Variants in FBXO34 observed in about 807,000 individuals in gnomAD.
The protein encoded by FBXO34 is F-box only protein 34.
In FBXO34, 12 loss-of-function variants were observed where a neutral mutation model predicts 24.5. That is an observed-to-expected ratio of 0.49 (90% CI 0.31 to 0.79). The LOEUF is 0.79. Among genes scored for constraint, FBXO34 ranks in the 30% least tolerant of loss-of-function variants. The pLI is 0.04. For synonymous variants in FBXO34, 320 were observed against 311.9 expected (o/e 1.03, Z -0.27); for missense variants, 823 against 857.7 (o/e 0.96, Z 0.51).
At chr14:55,400,711 A>T in the FBXO34 span, among the ~76,000 whole-genome samples, 1 of 152,046 alleles carries the variant, frequency 6.6e-6, no homozygotes, top group Non-Finnish European at 1.5e-5. Context: ...GAGACCAGCC[A>T]GGCCAACATG....
intron 3 of FBXO34, among the ~76,000 whole-genome samples, chr14:55,361,551 A>G (rs143025192): frequency 2.0e-5 from 3 of 152,274 alleles, no homozygotes; most frequent in African/African-American, 7.2e-5. Flanking sequence ...GTCCTTCCCA[A>G]GCTTGGAAGC....
At chr14:55,281,608 C>T (rs1196268546) in intron 1 of FBXO34, among the ~76,000 whole-genome samples, 1 of 152,216 alleles carries the variant, frequency 6.6e-6, no homozygotes, top group Non-Finnish European at 1.5e-5. Flanking sequence ...GTTTCCTCAG[C>T]CTTGCTTTCT....
At chr14:55,332,190 C>G (rs1357078832) in intron 1 of FBXO34, among the ~76,000 whole-genome samples, 1 of 151,276 alleles carries the variant, frequency 6.6e-6, no homozygotes, top group South Asian at 2.1e-4. Flanking sequence ...CATCTTCTGG[C>G]TTTCATTTTC....
At chr14:55,344,762 C>T (rs1049787671) in intron 1 of FBXO34, among the ~76,000 whole-genome samples, 2 of 152,032 alleles carry the variant, frequency 1.3e-5, no homozygotes, top group Non-Finnish European at 2.9e-5. Context: ...TGATGTTCCC[C>T]TCCCTGTATC....
chr14:55,420,137 C>A, the FBXO34 span, among the ~76,000 whole-genome samples: 1 of 152,222 alleles, frequency 6.6e-6, no homozygotes, highest in African/African-American at 2.4e-5. Context: ...GTGGCACGAT[C>A]TCGGCTCACT....
intron 1 of FBXO34, among the ~76,000 whole-genome samples, chr14:55,316,758 C>T (rs548581636): frequency 4.0e-5 from 6 of 151,084 alleles, no homozygotes; most frequent in African/African-American, 1.2e-4. Context: ...AATTTCAAGA[C>T]GGCAACAGCA....
the FBXO34 span, among the ~76,000 whole-genome samples, chr14:55,395,446 G>A: frequency 1.1e-4 from 17 of 152,162 alleles, no homozygotes; most frequent in African/African-American, 2.2e-4. Context: ...TCTGCCTCCC[G>A]GGTTCAAGTG....
the FBXO34 span, among the ~76,000 whole-genome samples, chr14:55,427,456 G>T: frequency 6.6e-6 from 1 of 152,140 alleles, no homozygotes; most frequent in African/African-American, 2.4e-5. Flanking sequence ...ACAAATGTTA[G>T]GGAAAGCACA....
At chr14:55,355,134 CCT>C (rs1884501487), downstream of FBXO34, 1 of 152,310 alleles carries the variant, frequency 6.6e-6, no homozygotes, top group Non-Finnish European at 1.5e-5. Flanking sequence ...AGCTGCTGCT[CCT>C]ATTCCTGGAG....
At chr14:55,440,266 T>C in the FBXO34 span, 1 of 1,178,732 alleles carries the variant, frequency 8.5e-7, no homozygotes, top group Non-Finnish European at 1.2e-6. Context: ...AACCTTCAAC[T>C]TAATGACTTG....
At chr14:55,414,300 G>T in the FBXO34 span, 3 of 1,086,736 alleles carry the variant, frequency 2.8e-6, no homozygotes, top group Non-Finnish European at 4.1e-6. Flanking sequence ...ACAATTAAAC[G>T]TAGAAGAATC....
the FBXO34 span, among the ~76,000 whole-genome samples, chr14:55,436,267 C>T: frequency 1.1e-4 from 16 of 152,054 alleles, no homozygotes; most frequent in Admixed American, 7.2e-4. Context: ...TTTATCCAAC[C>T]CTACCCACAA....
the FBXO34 span, chr14:55,385,751 G>T: frequency 1.0e-6 from 1 of 986,320 alleles, no homozygotes; most frequent in Non-Finnish European, 1.5e-6. Context: ...CCATCACCAG[G>T]AAAACCAATG....
the FBXO34 span, among the ~76,000 whole-genome samples, chr14:55,404,188 C>T: frequency 3.3e-5 from 5 of 152,196 alleles, no homozygotes; most frequent in Admixed American, 1.3e-4. Context: ...GACATGACTA[C>T]AAATTCATCT....
At chr14:55,355,755 G>A (rs779558118), downstream of FBXO34, among the ~76,000 whole-genome samples, 6 of 152,192 alleles carry the variant, frequency 3.9e-5, no homozygotes, top group Non-Finnish European at 8.8e-5. Context: ...AGAGGGCATC[G>A]CCCACAGTGC....
At chr14:55,440,473 G>T in the FBXO34 span, 1 of 1,612,268 alleles carries the variant, frequency 6.2e-7, no homozygotes, top group Non-Finnish European at 8.5e-7. Context: ...ACTGTTGGGG[G>T]TGGGGGCGGG....
the FBXO34 span, among the ~76,000 whole-genome samples, chr14:55,402,926 AATATATATATATATATATATAT>A: frequency 6.5e-3 from 107 of 16,394 alleles, 2 homozygotes; most frequent in African/African-American, 8.2e-3. Context: ...AAAAAAAAAA[AATATATATATATATATATATAT>A]ATATATATAT....
intron 1 of FBXO34, among the ~76,000 whole-genome samples, chr14:55,338,931 A>C (rs934443689): frequency 2.4e-4 from 34 of 143,042 alleles, no homozygotes; most frequent in Admixed American, 2.1e-3. Context: ...CAAAAAAAAA[A>C]AAGCCAAAAA....
Position 55,351,239 on chromosome 14 carries a change from A to G in FBXO34, c.849A>G (p.Val283=). The change falls in exon 2 of 2, where the codon GTA becomes GTG. Residue 283 remains valine, a synonymous_variant. Coordinates refer to ENST00000313833, the MANE Select transcript of FBXO34 (RefSeq NM_017943.4). ...QSEPVRVLDM[V]AKLESECLKR... is the part of the protein sequence containing the mutation. ...AACCAGTCCGTGTCCTTGACATGGT[A>G]GCCAAGTTGGAGTCTGAGTGCCTGA... is the stretch of plus-strand genomic sequence containing the variant. 1 of 1,614,192 alleles carries G rather than the reference A, an allele frequency of 6.2e-7. No individual in the cohort carries two copies. Among genetic ancestry groups the G allele is most frequent in the Non-Finnish European group, 8.5e-7 (1 of 1,180,044 alleles).
Sources: gnomAD v4.1 joint callset for allele counts (sites outside exome capture counted in the v4.1 genomes callset) on GRCh38, gnomAD v4.1.1 for gene constraint, MANE v1.5 for transcripts, NCBI Gene and HGNC (gene_info 2026-07-23, HGNC 2026-07-21) for gene names.